The following CDIN1 variants were observed in gnomAD, a reference collection of about 807,000 sequenced individuals.
The protein encoded by CDIN1 is CDAN1 interacting nuclease 1, also known as CDAN1-interacting nuclease 1.
CDIN1 carries 33 observed loss-of-function variants against 45.3 expected under a neutral mutation model. The ratio of observed to expected loss-of-function variants is 0.73; its 90% CI spans 0.55 to 0.97. CDIN1 has a LOEUF of 0.97. Ranked by LOEUF, CDIN1 falls within the 50% of genes least tolerant of loss-of-function variation. The pLI is 0.00. For missense variants in CDIN1, 303 were observed against 339.4 expected, an observed-to-expected ratio of 0.89 and a Z score of 0.84; for synonymous variants, 118 against 124.4, an observed-to-expected ratio of 0.95 and a Z score of 0.34.
At chr15:36,598,937 G>C (rs968571621) in intron 1 of CDIN1, among the ~76,000 whole-genome samples, 1 of 152,130 alleles carries the variant, frequency 6.6e-6, no homozygotes, top group African/African-American at 2.4e-5. Flanking sequence ...AGATCCTTTG[G>C]ATGGGAGCTG....
At chr15:36,702,199 T>A (rs1165505820) in intron 8 of CDIN1, 11 of 695,506 alleles carry the variant, frequency 1.6e-5, no homozygotes, top group Non-Finnish European at 2.6e-5. Context: ...TATCCGAAGG[T>A]TAAAAATATG....
Position 36,702,119 on chromosome 15 carries a change from G to A in CDIN1, c.544+4729G>A, listed in dbSNP as rs868564984. Reference sequence around the variant, plus strand: ...GTAAGAGACCAGAAATGGAACATACGATTATGTAGGCTGAAGGGAATGGAG... The same window carrying A: ...GTAAGAGACCAGAAATGGAACATACAATTATGTAGGCTGAAGGGAATGGAG... On this transcript the variant is annotated intron_variant, in intron 8 of 10. Coordinates refer to ENST00000566621, the MANE Select transcript of CDIN1 (RefSeq NM_001321759.2). 6 of 702,008 alleles carry A rather than the reference G, an allele frequency of 8.5e-6. No homozygotes were observed. The Middle Eastern group carries it at 9.1e-4, about 107-fold the overall frequency. The allele number at this position is 702,008 out of a possible 1,614,324, so 43.5% of individuals were successfully genotyped here. A position where few individuals can be genotyped will look rare whatever the true frequency, so the allele number is the denominator to read the frequency against.
At chr15:36,735,770 T>C (rs1230463939) in intron 10 of CDIN1, among the ~76,000 whole-genome samples, 1 of 152,208 alleles carries the variant, frequency 6.6e-6, no homozygotes, top group Non-Finnish European at 1.5e-5. Context: ...ACTTTAATAA[T>C]TGTGTTGTTT....
intron 10 of CDIN1, among the ~76,000 whole-genome samples, chr15:36,802,700 C>A (rs964167253): frequency 6.6e-6 from 1 of 152,016 alleles, no homozygotes; most frequent in Admixed American, 6.6e-5. Context: ...TAAGCAAGTT[C>A]TTCCTGAATT....
chr15:36,626,545 A>ATAT (rs2039434330), intron 1 of CDIN1: 1 of 219,488 alleles, frequency 4.6e-6, no homozygotes, highest in African/African-American at 2.3e-5. Context: ...ATATGCAAAT[A>ATAT]TATTCCTCAT....
chr15:36,646,507 T>C (rs7177790), intron 3 of CDIN1, among the ~76,000 whole-genome samples: 310 of 5,988 alleles, frequency 0.052, no homozygotes, highest in African/African-American at 0.1. Flanking sequence ...TGATGATTTA[T>C]TCAAAAGTCA....
At chr15:36,632,355 C>T (rs1595393343) in intron 1 of CDIN1, among the ~76,000 whole-genome samples, 1 of 152,114 alleles carries the variant, frequency 6.6e-6, no homozygotes, top group South Asian at 2.1e-4. Flanking sequence ...GAAGTTCCTT[C>T]AGAAAGAATG....
At chr15:36,690,864 T>C (rs1468224840) in intron 5 of CDIN1, among the ~76,000 whole-genome samples, 1 of 152,136 alleles carries the variant, frequency 6.6e-6, no homozygotes, top group African/African-American at 2.4e-5. Flanking sequence ...GAATTCTGGC[T>C]ACTGTGGCTG....
intron 5 of CDIN1, among the ~76,000 whole-genome samples, chr15:36,666,948 G>A (rs2041271959): frequency 6.6e-6 from 1 of 152,164 alleles, no homozygotes; most frequent in Non-Finnish European, 1.5e-5. Flanking sequence ...AAGTCAAGTA[G>A]TAGTATTATC....
intron 1 of CDIN1, among the ~76,000 whole-genome samples, chr15:36,599,627 GT>G (rs1432838524): frequency 6.6e-6 from 1 of 152,162 alleles, no homozygotes; most frequent in Non-Finnish European, 1.5e-5. Context: ...ACTAAATTAT[GT>G]TAATCTGTCT....
intron 10 of CDIN1, among the ~76,000 whole-genome samples, chr15:36,794,688 C>CATTT (rs2054744641): frequency 6.6e-6 from 1 of 152,108 alleles, no homozygotes; most frequent in African/African-American, 2.4e-5. Context: ...ATTTCTTTAT[C>CATTT]CATTCATACA....
intron 1 of CDIN1, among the ~76,000 whole-genome samples, chr15:36,599,958 T>C (rs1473560841): frequency 1.3e-5 from 2 of 152,232 alleles, no homozygotes; most frequent in Non-Finnish European, 2.9e-5. Flanking sequence ...CCCTGTCTAA[T>C]GTCTGTGCTG....
At chr15:36,654,208 C>T in intron 4 of CDIN1, 50 bp downstream of exon 4, 1 of 1,422,426 alleles carries the variant, frequency 7.0e-7, no homozygotes, top group Non-Finnish European at 9.7e-7. Context: ...ACCTAAGGGG[C>T]CTATCTAGAG....
chr15:36,624,830 T>C (rs2039346555), intron 1 of CDIN1, among the ~76,000 whole-genome samples: 1 of 152,140 alleles, frequency 6.6e-6, no homozygotes, highest in Non-Finnish European at 1.5e-5. Flanking sequence ...CCTACAATTT[T>C]TATAAATTAT....
At chr15:36,798,774 G>GA (rs898849558) in intron 10 of CDIN1, 7 of 152,148 alleles carry the variant, frequency 4.6e-5, no homozygotes, top group African/African-American at 1.7e-4. Flanking sequence ...AGGGCTACTT[G>GA]AAAAAGACAT....
chr15:36,717,645 A>G (rs906318843), intron 10 of CDIN1, among the ~76,000 whole-genome samples: 1 of 152,144 alleles, frequency 6.6e-6, no homozygotes, highest in Non-Finnish European at 1.5e-5. Flanking sequence ...AAATATTAAC[A>G]TGATTTCATT....
At chr15:36,668,810 C>T (rs1300503715) in intron 5 of CDIN1, among the ~76,000 whole-genome samples, 1 of 152,022 alleles carries the variant, frequency 6.6e-6, no homozygotes, top group African/African-American at 2.4e-5. Context: ...TCTTCCAGAG[C>T]CCTAGTTTGC....
intron 5 of CDIN1, among the ~76,000 whole-genome samples, chr15:36,659,011 C>CAAA (rs2040886991): frequency 3.3e-5 from 5 of 152,142 alleles, no homozygotes; most frequent in Admixed American, 3.3e-4. Context: ...TCGATTTAAT[C>CAAA]AAGAAAGAGA....
intron 10 of CDIN1, among the ~76,000 whole-genome samples, chr15:36,729,348 T>C (rs1018172446): frequency 3.3e-5 from 5 of 152,162 alleles, no homozygotes; most frequent in Non-Finnish European, 7.3e-5. Flanking sequence ...TTCTTAGATA[T>C]CTATTTAAAA....
Sources: allele counts gnomAD v4.1 joint callset (sites outside exome capture counted in the v4.1 genomes callset), GRCh38; gene constraint gnomAD v4.1.1; transcripts MANE v1.5; gene names NCBI Gene and HGNC (gene_info 2026-07-23, HGNC 2026-07-21).